Variants in ZFHX4 observed in about 807,000 individuals in gnomAD.
The protein encoded by ZFHX4 is zinc finger homeobox 4.
A neutral mutation model predicts 267.6 loss-of-function variants in ZFHX4; 56 were observed. The ratio of observed to expected loss-of-function variants is 0.21; its 90% CI spans 0.17 to 0.26. ZFHX4 has a LOEUF of 0.26. Ranked by LOEUF, ZFHX4 falls within the 10% of genes least tolerant of loss-of-function variation. ZFHX4 has a pLI of 1.00. For missense variants in ZFHX4, 4,332 were observed against 4,420.0 expected (o/e 0.98, Z 0.56); for synonymous variants, 1,778 against 1,665.6 (o/e 1.07, Z -1.64).
At position 76,853,174 on chromosome 8, in the gene ZFHX4, C is replaced by T. The variant is rs1343631828; in HGVS notation, c.6253C>T (p.Pro2085Ser). The change falls in exon 10 of 11, where the codon CCT becomes TCT. Residue 2085 changes from proline (P) to serine (S), a missense_variant. Transcript: ENST00000651372. ...GCTCTTTCCTTCCATTATGATGCAA[C>T]CTGTGCAACACCCTGCGCTTCCTCC... ...LPLFPSIMMQ[P>S]VQHPALPPQL... 1.3e-6 allele frequency: 2 copies of T among 1,551,054 alleles called. No individual in the cohort carries two copies. The highest frequency in any genetic ancestry group is 2.7e-5 in the African/African-American group (2 of 72,768).
rs752975032 is a variant in ZFHX4, at chr8:76,855,613, C to T, written c.8692C>T (p.Arg2898Cys). The T allele has an allele frequency of 1.5e-5, 25 of 1,613,746 alleles. No individual in the cohort carries two copies. The African/African-American group carries it at 2.7e-4, about 17-fold the overall frequency. ...ITDDPDDNAD[R>C]SETSSIADPS... ...AGATGACCCGGATGACAACGCCGAC[C>T]GCAGCGAAACGTCCAGCATAGCGGA... is the stretch of plus-strand genomic sequence containing the variant. Residue 2898 changes from arginine (R) to cysteine (C), a missense_variant, in exon 10 of 11, where the codon CGC (arginine) becomes TGC (cysteine). This residue lies in a region of ZFHX4 where 1,648 missense variants were observed against 1,625.0 expected (regional missense o/e 1.01). Coordinates refer to ENST00000651372, the MANE Select transcript of ZFHX4 (RefSeq NM_024721.5).
chr8:76,705,928 G>C lies in ZFHX4; in HGVS notation c.1840G>C (p.Glu614Gln). ...AGACGGCTCACCGGGCAGTGGCATC[G>C]AGTGTCCAAAGTGCGACACTGTGTT... The part of the protein sequence containing the change: ...GGDGSPGSGI[E>Q]CPKCDTVLGS... The change falls in exon 2 of 11, where the codon GAG (glutamate) becomes CAG (glutamine). Residue 614 changes from glutamate (E) to glutamine (Q), a missense_variant. Glu to Gln is a conservative substitution (Grantham distance 29, BLOSUM62 2). This residue lies in a region of ZFHX4 where 1,195 missense variants were observed against 1,173.6 expected (regional missense o/e 1.02). Transcript: ENST00000651372. 6.2e-7 allele frequency: 1 copy of C among 1,613,618 alleles called. No individual in the cohort carries two copies. The highest frequency in any genetic ancestry group is 8.5e-7 in the Non-Finnish European group (1 of 1,179,820).
At chr8:76,691,628 T>C (rs1563461916) in intron 1 of ZFHX4, among the ~76,000 whole-genome samples, 1 of 152,282 alleles carries the variant, frequency 6.6e-6, no homozygotes, top group African/African-American at 2.4e-5. Flanking sequence ...CAATGCTTAA[T>C]AGGAATCTTA....
At chr8:76,733,848 G>T (rs939679109) in intron 3 of ZFHX4, among the ~76,000 whole-genome samples, 2 of 152,026 alleles carry the variant, frequency 1.3e-5, no homozygotes, top group Non-Finnish European at 2.9e-5. Context: ...GTTTTATGCC[G>T]ATGCCAGATG....
In ZFHX4 at chr8:76,854,014, A is replaced by C; in HGVS notation, c.7093A>C (p.Thr2365Pro). Residue 2365 changes from threonine (T) to proline (P), a missense_variant, in exon 10 of 11, where the codon ACA becomes CCA. Coordinates refer to ENST00000651372, the MANE Select transcript of ZFHX4 (RefSeq NM_024721.5). ...TGATCAAGTGGTATACAAGCATTGCACAGTGTCTGGCCAAACGGATGCAGC... is the reference window on the plus strand; with the variant it reads ...TGATCAAGTGGTATACAAGCATTGCCCAGTGTCTGGCCAAACGGATGCAGC... ...ATDQVVYKHC[T>P]VSGQTDAAKN... The C allele has an allele frequency of 1.2e-6, 2 of 1,613,950 alleles. No individual in the cohort carries two copies. Among genetic ancestry groups the C allele is most frequent in the African/African-American group, 1.3e-5 (1 of 75,044 alleles).
intron 4 of ZFHX4, among the ~76,000 whole-genome samples, chr8:76,786,187 C>T (rs771282823): frequency 3.3e-5 from 5 of 151,884 alleles, no homozygotes; most frequent in African/African-American, 4.8e-5. Context: ...GAAATTAACA[C>T]GCTATAGAGA....
Position 76,761,848 on chromosome 8 carries a change from T to C in ZFHX4, c.3094-16360T>C, listed in dbSNP as rs112205531. Among the ~76,000 whole-genome samples the C allele has an allele frequency of 5.5e-3, 837 of 152,242 alleles. 12 individuals are homozygous for C. The highest frequency in any genetic ancestry group is 0.019 in the African/African-American group (787 of 41,544). On this transcript the variant is annotated intron_variant, in intron 3 of 10. Coordinates refer to ENST00000651372, the MANE Select transcript of ZFHX4 (RefSeq NM_024721.5). ...AGGGCAATCTCTTTGCCTCTGTACA[T>C]AGAGAAATGCAGAAGGAAGCATGTT...
chr8:76,711,123 A>G (rs1329609467), intron 3 of ZFHX4, among the ~76,000 whole-genome samples: 1 of 152,202 alleles, frequency 6.6e-6, no homozygotes, highest in Non-Finnish European at 1.5e-5. Flanking sequence ...ACTCAAAAAA[A>G]AGAATACCTT....
chr8:76,778,688 A>C (rs1045321527), intron 4 of ZFHX4, among the ~76,000 whole-genome samples: 1 of 152,212 alleles, frequency 6.6e-6, no homozygotes, highest in Non-Finnish European at 1.5e-5. Flanking sequence ...GGAGGTTATG[A>C]AACTCTACCT....
intron 4 of ZFHX4, among the ~76,000 whole-genome samples, chr8:76,806,282 G>T (rs1014692639): frequency 1.3e-5 from 2 of 152,030 alleles, no homozygotes; most frequent in African/African-American, 4.8e-5. Flanking sequence ...AGATGATAAC[G>T]AGTGAACACA....
At chr8:76,800,099 C>T (rs1344354185) in intron 4 of ZFHX4, among the ~76,000 whole-genome samples, 1 of 151,698 alleles carries the variant, frequency 6.6e-6, no homozygotes, top group Non-Finnish European at 1.5e-5. Flanking sequence ...AGGGTCCTAG[C>T]AGGAGGGGAG....
chr8:76,833,473 A>G, intron 5 of ZFHX4, 67 bp downstream of exon 5: 1 of 1,208,720 alleles, frequency 8.3e-7, no homozygotes, highest in Admixed American at 2.0e-5. Flanking sequence ...TTACTCTCAT[A>G]ATTGATGGAA....
At chr8:76,776,125 C>T (rs1454133354) in intron 3 of ZFHX4, among the ~76,000 whole-genome samples, 1 of 151,738 alleles carries the variant, frequency 6.6e-6, no homozygotes, top group African/African-American at 2.4e-5. Flanking sequence ...TAAGGATTCC[C>T]AGTAGGTGTG....
In ZFHX4 at chr8:76,801,208, C is replaced by T. The variant is rs533068413; in HGVS notation, c.3325+22769C>T. On this transcript the variant is annotated intron_variant, in intron 4 of 10. Transcript: ENST00000651372. ...AAGATGTCTCCTTTCTCTCACAGTGCATTTGTCATTTAGAAGTGACTTTAA... is the reference window on the plus strand; with the variant it reads ...AAGATGTCTCCTTTCTCTCACAGTGTATTTGTCATTTAGAAGTGACTTTAA... Among the ~76,000 whole-genome samples the T allele has an allele frequency of 3.3e-5, 5 of 151,812 alleles. No homozygotes were observed. In the South Asian group the frequency reaches 1.0e-3, roughly 32 times the overall value.
Position 76,784,327 on chromosome 8 carries a change from T to C in ZFHX4, c.3325+5888T>C, listed in dbSNP as rs1016171558. 2.0e-5 allele frequency among the ~76,000 whole-genome samples: 3 copies of C among 152,182 alleles called. No homozygotes were observed. In the East Asian group the frequency reaches 5.8e-4, roughly 29 times the overall value. On this transcript the variant is annotated intron_variant, in intron 4 of 10. Coordinates refer to ENST00000651372, the MANE Select transcript of ZFHX4 (RefSeq NM_024721.5). Reference sequence around the variant, plus strand: ...AGTTTTACCAGGTTTAGACTAGTTATTGACTCAGTAAATGTAAAAAAAAAG... The same window carrying C: ...AGTTTTACCAGGTTTAGACTAGTTACTGACTCAGTAAATGTAAAAAAAAAG...
At chr8:76,733,508 A>C (rs1357410139) in intron 3 of ZFHX4, 2 of 152,192 alleles carry the variant, frequency 1.3e-5, no homozygotes, top group Admixed American at 1.3e-4. Flanking sequence ...GAAGAAAAAA[A>C]ATTTAATAAC....
At chr8:76,846,634 T>C (rs1235670843) in intron 6 of ZFHX4, among the ~76,000 whole-genome samples, 2 of 152,020 alleles carry the variant, frequency 1.3e-5, no homozygotes, top group Non-Finnish European at 2.9e-5. Context: ...ATAAATATAT[T>C]CTTAATATAC....
chr8:76,864,000 G>A lies in ZFHX4; in HGVS notation c.10286G>A (p.Gly3429Asp). 6.2e-7 allele frequency: 1 copy of A among 1,613,692 alleles called. No homozygotes were observed. The highest frequency in any genetic ancestry group is 8.5e-7 in the Non-Finnish European group (1 of 1,179,814). ...VNHQKSFCYF[G>D]QPLIDPQETV... ...CATCAAAAGTCCTTCTGTTATTTCGGTCAGCCTTTGATTGACCCACAAGAG... is the reference window on the plus strand; with the variant it reads ...CATCAAAAGTCCTTCTGTTATTTCGATCAGCCTTTGATTGACCCACAAGAG... The change falls in exon 11 of 11, where the codon GGT becomes GAT. Residue 3429 changes from glycine (G) to aspartate (D), a missense_variant. By Grantham distance (94) the Gly-to-Asp change is moderately conservative. Coordinates refer to ENST00000651372, the MANE Select transcript of ZFHX4 (RefSeq NM_024721.5).
At chr8:76,748,106 A>T (rs1809510815) in intron 3 of ZFHX4, among the ~76,000 whole-genome samples, 1 of 152,146 alleles carries the variant, frequency 6.6e-6, no homozygotes, top group South Asian at 2.1e-4. Flanking sequence ...GTTAATAGTC[A>T]TTTTATATGT....
Sources: allele counts gnomAD v4.1 joint callset (sites outside exome capture counted in the v4.1 genomes callset), GRCh38; gene constraint gnomAD v4.1.1; regional missense constraint gnomAD v4.1.1; transcripts MANE v1.5; gene names NCBI Gene and HGNC (gene_info 2026-07-23, HGNC 2026-07-21).